Variants in MYRIP observed in about 807,000 individuals in gnomAD.
The protein encoded by MYRIP is rab effector MyRIP.
A neutral mutation model predicts 98.0 loss-of-function variants in MYRIP; 49 were observed. The ratio of observed to expected loss-of-function variants is 0.50; its 90% CI spans 0.40 to 0.63. The LOEUF is 0.63. Ranked by LOEUF, MYRIP falls within the 30% of genes least tolerant of loss-of-function variation. MYRIP has a pLI of 0.00. For synonymous variants in MYRIP, 404 were observed against 409.5 expected (o/e 0.99, Z 0.16); for missense variants, 1,004 against 1,058.2 (o/e 0.95, Z 0.71).
chr3:40,157,521 G>C (rs1232748912), intron 4 of MYRIP, among the ~76,000 whole-genome samples: 86 of 149,392 alleles, frequency 5.8e-4, no homozygotes, highest in African/African-American at 2.1e-3. Context: ...AAATGAGTTA[G>C]GGAGGATTCC....
chr3:40,005,443 G>C (rs535079662), intron 2 of MYRIP, among the ~76,000 whole-genome samples: 141 of 152,326 alleles, frequency 9.3e-4, no homozygotes, highest in Admixed American at 1.4e-3. Flanking sequence ...TCCATTCTCT[G>C]GCTTTATTGG....
At chr3:40,085,525 C>A (rs1575526375) in intron 3 of MYRIP, among the ~76,000 whole-genome samples, 1 of 152,258 alleles carries the variant, frequency 6.6e-6, no homozygotes, top group East Asian at 1.9e-4. Flanking sequence ...CTCAGGTGAT[C>A]TGCCTGCCTC....
chr3:40,198,660 C>T (rs1457980997), intron 10 of MYRIP, among the ~76,000 whole-genome samples: 6 of 152,166 alleles, frequency 3.9e-5, no homozygotes, highest in African/African-American at 1.4e-4. Flanking sequence ...TTCAGGATCA[C>T]AGGAGGCTGT....
chr3:40,048,657 TTC>T (rs1228785120), intron 3 of MYRIP, among the ~76,000 whole-genome samples: 1 of 152,154 alleles, frequency 6.6e-6, no homozygotes, highest in Admixed American at 6.6e-5. Context: ...CCATATTTTT[TTC>T]TGTTTGATTA....
At chr3:40,077,207 A>G (rs1948363386) in intron 3 of MYRIP, among the ~76,000 whole-genome samples, 1 of 152,170 alleles carries the variant, frequency 6.6e-6, no homozygotes, top group South Asian at 2.1e-4. Context: ...GCGTGGACCC[A>G]AAGAGTGAGC....
rs375455251 is a variant in MYRIP, at chr3:40,190,433, C to A, written c.1635C>A (p.Ser545Arg). ...EEPSKEPSSP[S>R]AQLRDLDTHQ... is the part of the protein sequence containing the mutation. ...CAAGCAAAGAACCATCTTCCCCCAG[C>A]GCCCAGCTCCGGGATCTAGACACAC... The change falls in exon 10 of 17, where the codon AGC becomes AGA. Residue 545 changes from serine (S) to arginine (R), a missense_variant. Transcript: ENST00000302541. 1.5e-4 allele frequency: 235 copies of A among 1,602,642 alleles called. No homozygotes were observed. Among genetic ancestry groups the A allele is most frequent in the Non-Finnish European group, 1.3e-4 (148 of 1,174,462 alleles).
intron 1 of MYRIP, among the ~76,000 whole-genome samples, chr3:39,874,150 TG>T (rs1942900988): frequency 1.3e-5 from 2 of 152,088 alleles, no homozygotes; most frequent in Middle Eastern, 3.2e-3. Context: ...TGTCTGTTGT[TG>T]GCGTATAAGA....
intron 1 of MYRIP, among the ~76,000 whole-genome samples, chr3:39,879,400 A>G (rs1943103902): frequency 6.7e-6 from 1 of 150,066 alleles, no homozygotes; most frequent in Admixed American, 6.6e-5. Context: ...ATTTCCTCAC[A>G]TGTCTAGCAA....
At chr3:39,817,503 A>G (rs1940959413) in intron 1 of MYRIP, among the ~76,000 whole-genome samples, 1 of 152,194 alleles carries the variant, frequency 6.6e-6, no homozygotes, top group Non-Finnish European at 1.5e-5. Context: ...TGTAATTTAA[A>G]ATCTTCTCAT....
chr3:40,078,384 G>C lies in MYRIP; in HGVS notation c.332+34113G>C, dbSNP rs145511346. On this transcript the variant is annotated intron_variant, in intron 3 of 16. Coordinates refer to ENST00000302541, the MANE Select transcript of MYRIP (RefSeq NM_015460.4). ...GGCTCCCACAGTGCAGCGGTGGGCT[G>C]AAGGGCTCCTCAAGTGCCGCCAAAG... Among the ~76,000 whole-genome samples, 928 of 152,340 alleles carry C rather than the reference G, an allele frequency of 6.1e-3. 10 individuals carry two copies. The highest frequency in any genetic ancestry group is 0.021 in the African/African-American group (873 of 41,576).
intron 3 of MYRIP, among the ~76,000 whole-genome samples, chr3:40,083,866 G>C (rs530479034): frequency 1.3e-5 from 2 of 151,986 alleles, no homozygotes; most frequent in Admixed American, 1.3e-4. Context: ...GGCCGGGCGC[G>C]GTGGCTCACG....
intron 11 of MYRIP, among the ~76,000 whole-genome samples, chr3:40,224,943 A>ATT (rs1296068402): frequency 6.6e-6 from 1 of 152,248 alleles, no homozygotes; most frequent in Non-Finnish European, 1.5e-5. Flanking sequence ...TTTTAGCGGC[A>ATT]TTGCTGGAGT....
chr3:40,054,232 A>T (rs567887090), intron 3 of MYRIP, among the ~76,000 whole-genome samples: 1 of 152,156 alleles, frequency 6.6e-6, no homozygotes, highest in Non-Finnish European at 1.5e-5. Context: ...TGGCCTCCCA[A>T]TTCATCTTTT....
intron 1 of MYRIP, among the ~76,000 whole-genome samples, chr3:39,842,307 C>G (rs1356762537): frequency 6.6e-6 from 1 of 152,162 alleles, no homozygotes; most frequent in Non-Finnish European, 1.5e-5. Flanking sequence ...GATGCCCCTC[C>G]CCTGACCAGG....
intron 1 of MYRIP, among the ~76,000 whole-genome samples, chr3:39,891,248 A>G (rs1039962271): frequency 6.6e-6 from 1 of 152,162 alleles, no homozygotes; most frequent in Admixed American, 6.6e-5. Flanking sequence ...TAGTATGAAG[A>G]AAATTTTCAT....
chr3:40,035,704 T>C (rs947515427), intron 2 of MYRIP, among the ~76,000 whole-genome samples: 1 of 151,880 alleles, frequency 6.6e-6, no homozygotes, highest in African/African-American at 2.4e-5. Flanking sequence ...TCTGGAAATA[T>C]AAAAATCAGT....
At position 39,811,211 on chromosome 3, in the gene MYRIP, C is replaced by T. The variant is rs74729453; in HGVS notation, c.-31+1295C>T. ...CCTCCCCCACCCCAACTCTGAAACT[C>T]AGCCATGAGATCAATACTTAGTTTT... is the stretch of plus-strand genomic sequence containing the variant. On this transcript the variant is annotated intron_variant, in intron 1 of 16. Coordinates refer to ENST00000302541, the MANE Select transcript of MYRIP (RefSeq NM_015460.4). 2.5e-3 allele frequency among the ~76,000 whole-genome samples: 384 copies of T among 152,274 alleles called. 2 individuals are homozygous for T. In the East Asian group the frequency reaches 0.032, roughly 13 times the overall value.
chr3:39,875,468 G>C (rs567820047), intron 1 of MYRIP, among the ~76,000 whole-genome samples: 173 of 151,758 alleles, frequency 1.1e-3, no homozygotes, highest in Non-Finnish European at 2.1e-3. Flanking sequence ...GCTTTCTCTT[G>C]TGGGCATTTA....
intron 1 of MYRIP, among the ~76,000 whole-genome samples, chr3:39,855,991 G>T (rs954690286): frequency 2.6e-5 from 4 of 152,198 alleles, no homozygotes; most frequent in Non-Finnish European, 5.9e-5. Context: ...GAGACTGGGA[G>T]TGTCTTCAAA....
Sources: gnomAD v4.1 joint callset for allele counts (sites outside exome capture counted in the v4.1 genomes callset) on GRCh38, gnomAD v4.1.1 for gene constraint, MANE v1.5 for transcripts, NCBI Gene and HGNC (gene_info 2026-07-23, HGNC 2026-07-21) for gene names.